EFR3B: variants seen among roughly 807,000 people sequenced by gnomAD.
EFR3B encodes the protein protein EFR3 homolog B.
In EFR3B, 64 loss-of-function variants were observed where a neutral mutation model predicts 104.7. The ratio of observed to expected loss-of-function variants is 0.61; its 90% CI spans 0.50 to 0.75. The LOEUF (loss-of-function observed/expected upper bound fraction) is 0.75. Among genes scored for constraint, EFR3B ranks in the 30% least tolerant of loss-of-function variants. The pLI is 0.00. For missense variants in EFR3B, 750 were observed against 1,078.5 expected (o/e 0.70, Z 4.27); for synonymous variants, 385 against 417.9 (o/e 0.92, Z 0.96).
chr2:25,113,623 G>A (rs1330820159), intron 4 of EFR3B, among the ~76,000 whole-genome samples: 3 of 150,390 alleles, frequency 2.0e-5, no homozygotes, highest in South Asian at 4.2e-4. Flanking sequence ...AGCCGAGATC[G>A]TGCCACTGCA....
At chr2:25,096,294 G>C (rs935191265) in intron 3 of EFR3B, among the ~76,000 whole-genome samples, 2 of 152,082 alleles carry the variant, frequency 1.3e-5, no homozygotes, top group Non-Finnish European at 2.9e-5. Context: ...GATTACAGGC[G>C]GGAGCCACCG....
chr2:25,059,572 C>CGGGGGGGG (rs56219617), intron 1 of EFR3B, among the ~76,000 whole-genome samples: 18 of 60,240 alleles, frequency 3.0e-4, no homozygotes, highest in Non-Finnish European at 4.6e-4. Flanking sequence ...CCAGGGACTG[C>CGGGGGGGG]GGGGGGGGGG....
intron 1 of EFR3B, among the ~76,000 whole-genome samples, chr2:25,069,156 C>A (rs1397318969): frequency 6.6e-6 from 1 of 152,122 alleles, no homozygotes; most frequent in Non-Finnish European, 1.5e-5. Context: ...GATCCGCCCA[C>A]CTCGGCCTCC....
chr2:25,137,505 G>A lies in EFR3B; in HGVS notation c.1722+3G>A, dbSNP rs1670550768. The A allele has an allele frequency of 1.3e-6, 2 of 1,551,738 alleles. No individual in the cohort carries two copies. The highest frequency in any genetic ancestry group is 3.9e-5 in the Admixed American group (2 of 51,008). ...TCCGTCTGGTGCTGGCTGTTCAGGT[G>A]GGGCCTGGTGTGCGCAGGGCATGGG... On this transcript the variant is annotated splice_donor_region_variant and intron_variant, in intron 15 of 22. Transcript: ENST00000403714. The surrounding 1 kb of genome is among the most constrained non-coding windows in gnomAD (Gnocchi z 4.7).
At chr2:25,138,950 A>G in intron 15 of EFR3B, 109 bp from the exon 16 acceptor site, 1 of 1,437,802 alleles carries the variant, frequency 7.0e-7, no homozygotes, top group South Asian at 1.3e-5. Context: ...GACTTAGTCT[A>G]GGAAAGCAAG....
chr2:25,109,624 G>C (rs1482662905), intron 4 of EFR3B, among the ~76,000 whole-genome samples: 1 of 152,140 alleles, frequency 6.6e-6, no homozygotes, highest in East Asian at 1.9e-4. Context: ...AACCAAAAAG[G>C]TCACCTATTT....
chr2:25,042,521 C>T lies in EFR3B; in HGVS notation c.7+202C>T. 8.3e-7 allele frequency: 1 copy of T among 1,207,862 alleles called. No individual in the cohort carries two copies. The highest frequency in any genetic ancestry group is 1.0e-6 in the Non-Finnish European group (1 of 972,814). The allele number at this position is 1,207,862 out of a possible 1,614,324, so 74.8% of individuals were successfully genotyped here. ...GCCTCGGGCCGGGGACCCTGGGGTC[C>T]TCTCCAGGCCCGGCGCGTGCCGGTG... is the stretch of plus-strand genomic sequence containing the variant. On this transcript the variant is annotated intron_variant, in intron 1 of 22. Coordinates refer to ENST00000403714, the MANE Select transcript of EFR3B (RefSeq NM_014971.2). This position sits in a 1 kb window ranked among gnomAD's most constrained non-coding sequence, Gnocchi z 5.4.
At position 25,042,678 on chromosome 2, in the gene EFR3B, G is replaced by A. The variant is rs1271830551; in HGVS notation, c.7+359G>A. On this transcript the variant is annotated intron_variant, in intron 1 of 22. Transcript: ENST00000403714. The surrounding 1 kb of genome is among the most constrained non-coding windows in gnomAD (Gnocchi z 5.4). ...AATTAACAAAAGCGGTTTGTGCCTG[G>A]GAGTTTTCTGTGGGAAGCCGGTCCA... 1 of 1,032,380 alleles carries A rather than the reference G, an allele frequency of 9.7e-7. No individual in the cohort carries two copies. Among genetic ancestry groups the A allele is most frequent in the African/African-American group, 1.7e-5 (1 of 58,878 alleles). The allele number at this position is 1,032,380 out of a possible 1,614,324, so 64.0% of individuals were successfully genotyped here.
At chr2:25,099,690 T>C (rs764669241) in intron 3 of EFR3B, among the ~76,000 whole-genome samples, 22 of 151,820 alleles carry the variant, frequency 1.4e-4, no homozygotes, top group Non-Finnish European at 2.8e-4. Context: ...TGCTGTTAAT[T>C]TTTTTTATGT....
Position 25,044,593 on chromosome 2 carries a change from TC to T in EFR3B, c.7+2276del, listed in dbSNP as rs529907623. On this transcript the variant is annotated intron_variant, in intron 1 of 22. Coordinates refer to ENST00000403714, the MANE Select transcript of EFR3B (RefSeq NM_014971.2). ...GCACTGCGCTTCTCCCCCTCCCACC[TC>T]CTGACCTCCCCTGTGTGTCCTATAA... 5.3e-5 allele frequency among the ~76,000 whole-genome samples: 8 copies of T among 152,106 alleles called. No individual in the cohort carries two copies. The South Asian group carries it at 1.7e-3, about 32-fold the overall frequency.
intron 1 of EFR3B, among the ~76,000 whole-genome samples, chr2:25,056,140 A>G (rs536986301): frequency 1.4e-3 from 218 of 152,352 alleles, no homozygotes; most frequent in Non-Finnish European, 2.3e-3. Flanking sequence ...AGTGACAGCA[A>G]TAACATTTTG....
chr2:25,047,740 T>TA (rs1221429871), intron 1 of EFR3B, among the ~76,000 whole-genome samples: 1 of 152,138 alleles, frequency 6.6e-6, no homozygotes, highest in South Asian at 2.1e-4. Flanking sequence ...CTCACACTGA[T>TA]ACGCTCACCT....
chr2:25,046,751 C>A (rs1489532427), intron 1 of EFR3B, among the ~76,000 whole-genome samples: 1 of 152,088 alleles, frequency 6.6e-6, no homozygotes, highest in East Asian at 1.9e-4. Flanking sequence ...GATCCGCCCG[C>A]CTCGGCCTCC....
At chr2:25,110,601 A>G (rs892274325) in intron 4 of EFR3B, among the ~76,000 whole-genome samples, 16 of 151,586 alleles carry the variant, frequency 1.1e-4, no homozygotes, top group African/African-American at 3.6e-4. Context: ...CCCCATCTCC[A>G]CCCTTTGCCT....
rs570218628 is a variant in EFR3B, at chr2:25,092,692, G to A, written c.85-311G>A. 2.5e-3 allele frequency among the ~76,000 whole-genome samples: 382 copies of A among 152,100 alleles called. 2 individuals carry two copies. The highest frequency in any genetic ancestry group is 8.8e-3 in the African/African-American group (365 of 41,500). On this transcript the variant is annotated intron_variant, in intron 2 of 22. Coordinates refer to ENST00000403714, the MANE Select transcript of EFR3B (RefSeq NM_014971.2). ...GCCTCCTGAGTAGCTGGGATTACAG[G>A]CACTCGCCACCATGCCTGGCTAATT... is the stretch of plus-strand genomic sequence containing the variant.
At chr2:25,047,593 G>A (rs1667757958) in intron 1 of EFR3B, among the ~76,000 whole-genome samples, 1 of 152,008 alleles carries the variant, frequency 6.6e-6, no homozygotes, top group South Asian at 2.1e-4. Context: ...CCACCTCCCA[G>A]GTTCAAGCAG....
chr2:25,142,655 A>G (rs1432868826), intron 17 of EFR3B, among the ~76,000 whole-genome samples: 1 of 150,734 alleles, frequency 6.6e-6, no homozygotes, highest in Non-Finnish European at 1.5e-5. Context: ...GCTACTTGGG[A>G]GGCTGAGGCA....
chr2:25,159,116 AAATGTT>A lies in EFR3B; in HGVS notation c.*4783_*4788del, dbSNP rs1185637736. On this transcript the variant is annotated 3_prime_UTR_variant, in exon 23 of 23. Transcript: ENST00000403714. ...AGCCATCACGATGCCCTTTTCAAAT[AAATGTT>A]AATGTTGTCACCACATGGCTGTCTG... is the stretch of plus-strand genomic sequence containing the variant. The A allele has an allele frequency of 6.6e-6, 1 of 152,240 alleles. No homozygotes were observed. The highest frequency in any genetic ancestry group is 1.9e-4 in the East Asian group (1 of 5,200). The allele number at this position is 152,240 out of a possible 1,614,324, so 9.4% of individuals were successfully genotyped here.
intron 1 of EFR3B, chr2:25,080,841 C>A (rs758419032): frequency 3.4e-6 from 3 of 876,800 alleles, no homozygotes; most frequent in African/African-American, 1.6e-5. Flanking sequence ...GGATTTATTT[C>A]TTATCATGGT....
Sources: gnomAD v4.1 joint callset for allele counts (sites outside exome capture counted in the v4.1 genomes callset) on GRCh38, gnomAD v4.1.1 for gene constraint, Gnocchi (gnomAD v3.1) non-coding constraint, MANE v1.5 for transcripts, NCBI Gene and HGNC (gene_info 2026-07-23, HGNC 2026-07-21) for gene names.